GPC5: variants seen among roughly 807,000 people sequenced by gnomAD.
The protein encoded by GPC5 is glypican-5.
In GPC5, 47 loss-of-function variants were observed where a neutral mutation model predicts 53.9. The ratio of observed to expected loss-of-function variants is 0.87; its 90% CI spans 0.69 to 1.11. The LOEUF (loss-of-function observed/expected upper bound fraction) is 1.11, where lower values mean the gene tolerates loss of function less well. Among genes scored for constraint, GPC5 ranks in the 50% most tolerant of loss-of-function variants. The probability of loss-of-function intolerance (pLI) is 0.00; values close to 1 mark genes in which losing one functional copy is unlikely to be tolerated. For synonymous variants in GPC5, 286 were observed against 263.3 expected (o/e 1.09, Z -0.84); for missense variants, 748 against 713.1 (o/e 1.05, Z -0.56).
At chr13:91,945,425 T>G (rs780249527) in intron 6 of GPC5, among the ~76,000 whole-genome samples, 1 of 152,234 alleles carries the variant, frequency 6.6e-6, no homozygotes, top group Non-Finnish European at 1.5e-5. Flanking sequence ...CTCTTAAAAT[T>G]TATGTTGGAA....
chr13:92,361,790 A>G (rs1247481559), intron 7 of GPC5, among the ~76,000 whole-genome samples: 1 of 151,738 alleles, frequency 6.6e-6, no homozygotes, highest in Non-Finnish European at 1.5e-5. Context: ...AACAGATTAT[A>G]CAATTATATG....
chr13:91,915,135 C>G (rs1180517462), intron 6 of GPC5, among the ~76,000 whole-genome samples: 1 of 152,094 alleles, frequency 6.6e-6, no homozygotes, highest in Non-Finnish European at 1.5e-5. Flanking sequence ...TCCAGAGAAA[C>G]GAACAGTTCT....
chr13:91,753,143 G>A (rs2037215315), intron 4 of GPC5, among the ~76,000 whole-genome samples: 1 of 152,148 alleles, frequency 6.6e-6, no homozygotes, highest in Admixed American at 6.5e-5. Flanking sequence ...CAAAATGTCT[G>A]CCTGCCTGAA....
chr13:92,213,431 C>T (rs1409907512), intron 7 of GPC5, among the ~76,000 whole-genome samples: 1 of 152,088 alleles, frequency 6.6e-6, no homozygotes, highest in Non-Finnish European at 1.5e-5. Context: ...TGTTTTCTGT[C>T]TATGGAACAC....
chr13:91,878,572 G>T (rs1007016046), intron 5 of GPC5, among the ~76,000 whole-genome samples: 2 of 152,084 alleles, frequency 1.3e-5, no homozygotes, highest in African/African-American at 4.8e-5. Context: ...GTGGTTGTTC[G>T]AGGGACTTGG....
At chr13:91,852,836 G>A (rs937114314) in intron 5 of GPC5, among the ~76,000 whole-genome samples, 2 of 152,126 alleles carry the variant, frequency 1.3e-5, no homozygotes, top group African/African-American at 4.8e-5. Context: ...GTTATGTGGA[G>A]CATGCCTATA....
At chr13:92,513,301 A>G (rs1319385139) in intron 7 of GPC5, among the ~76,000 whole-genome samples, 1 of 152,170 alleles carries the variant, frequency 6.6e-6, no homozygotes, top group Admixed American at 6.5e-5. Context: ...ATAGGAGAAC[A>G]TGCAATCCTT....
chr13:92,831,762 G>A (rs146165241), intron 7 of GPC5, among the ~76,000 whole-genome samples: 2 of 152,110 alleles, frequency 1.3e-5, no homozygotes, highest in East Asian at 1.9e-4. Flanking sequence ...TCTAAGATAC[G>A]ATTTTCTTTC....
chr13:92,511,195 C>A (rs1880550487), intron 7 of GPC5, among the ~76,000 whole-genome samples: 2 of 152,166 alleles, frequency 1.3e-5, no homozygotes, highest in African/African-American at 4.8e-5. Flanking sequence ...TTTAATTATT[C>A]TGGCTTTTTC....
At chr13:92,675,150 A>G (rs1566357757) in intron 7 of GPC5, among the ~76,000 whole-genome samples, 2 of 142,288 alleles carry the variant, frequency 1.4e-5, no homozygotes, top group Non-Finnish European at 3.2e-5. Context: ...TCTTTCAGAA[A>G]TTATCAGAGA....
intron 5 of GPC5, among the ~76,000 whole-genome samples, chr13:91,811,676 A>G (rs550223011): frequency 2.0e-5 from 3 of 152,314 alleles, no homozygotes; most frequent in African/African-American, 7.2e-5. Flanking sequence ...TGGAAATTAC[A>G]TTAATAGGTC....
At chr13:91,428,304 G>A (rs931609942) in intron 1 of GPC5, among the ~76,000 whole-genome samples, 1 of 152,184 alleles carries the variant, frequency 6.6e-6, no homozygotes, top group Non-Finnish European at 1.5e-5. Flanking sequence ...TCAGCAGCAA[G>A]AGGAGACACA....
chr13:92,749,751 T>C (rs1311451640), intron 7 of GPC5, among the ~76,000 whole-genome samples: 1 of 152,316 alleles, frequency 6.6e-6, no homozygotes, highest in East Asian at 1.9e-4. Flanking sequence ...TTTGTAGTTA[T>C]GCTGAAAGAC....
At chr13:91,852,298 C>T (rs1358623716) in intron 5 of GPC5, among the ~76,000 whole-genome samples, 1 of 151,014 alleles carries the variant, frequency 6.6e-6, no homozygotes, top group Non-Finnish European at 1.5e-5. Context: ...TTAGCCTAGG[C>T]CTACACACGG....
chr13:92,391,501 T>G (rs1446815415), intron 7 of GPC5, among the ~76,000 whole-genome samples: 1 of 152,164 alleles, frequency 6.6e-6, no homozygotes, highest in Non-Finnish European at 1.5e-5. Context: ...ACTTTGATGC[T>G]GAATACCTTC....
intron 6 of GPC5, among the ~76,000 whole-genome samples, chr13:91,920,926 CTTTTTTTTTT>C (rs869309251): frequency 2.5e-4 from 8 of 32,158 alleles, no homozygotes; most frequent in African/African-American, 6.1e-4. Context: ...CTCTCTCTCT[CTTTTTTTTTT>C]TTTTTTTTTT....
chr13:92,285,050 G>T (rs1378917332), intron 7 of GPC5, among the ~76,000 whole-genome samples: 1 of 152,074 alleles, frequency 6.6e-6, no homozygotes, highest in Non-Finnish European at 1.5e-5. Context: ...AAAGTCTCAG[G>T]ATACAAAATC....
At chr13:92,010,677 GTCTC>G (rs2040653235) in intron 6 of GPC5, among the ~76,000 whole-genome samples, 1 of 152,060 alleles carries the variant, frequency 6.6e-6, no homozygotes, top group South Asian at 2.1e-4. Flanking sequence ...CCCTTTCTCT[GTCTC>G]TCTCCACCCC....
intron 6 of GPC5, among the ~76,000 whole-genome samples, chr13:92,101,857 T>C (rs1416182872): frequency 6.6e-6 from 1 of 152,212 alleles, no homozygotes; most frequent in Non-Finnish European, 1.5e-5. Context: ...GAAGACTATA[T>C]AATTTTAAAG....
Sources: gnomAD v4.1 joint callset for allele counts (sites outside exome capture counted in the v4.1 genomes callset) on GRCh38, gnomAD v4.1.1 for gene constraint, MANE v1.5 for transcripts, NCBI Gene and HGNC (gene_info 2026-07-23, HGNC 2026-07-21) for gene names.